The following GRID2 variants were observed in gnomAD, a reference collection of about 807,000 sequenced individuals.
The protein encoded by GRID2 is glutamate ionotropic receptor delta type subunit 2, also known as glutamate receptor ionotropic, delta-2.
A neutral mutation model predicts 114.8 loss-of-function variants in GRID2; 33 were observed. The observed-to-expected ratio is 0.29, with a 90% CI of 0.22 to 0.38. The LOEUF (loss-of-function observed/expected upper bound fraction) is 0.38, where lower values mean the gene tolerates loss of function less well. Among genes scored for constraint, GRID2 ranks in the 10% least tolerant of loss-of-function variants. The pLI, the probability that GRID2 is intolerant of heterozygous loss-of-function variation, is 1.00. For missense variants in GRID2, 1,184 were observed against 1,257.7 expected (o/e 0.94, Z 0.89); for synonymous variants, 505 against 449.9 (o/e 1.12, Z -1.55).
chr4:93,056,682 C>G (rs145787677), intron 2 of GRID2, among the ~76,000 whole-genome samples: 1 of 151,724 alleles, frequency 6.6e-6, no homozygotes, highest in Non-Finnish European at 1.5e-5. Flanking sequence ...CAGTTATATT[C>G]GTGCATGATA....
At chr4:92,455,965 TC>T (rs1321590933) in intron 1 of GRID2, among the ~76,000 whole-genome samples, 1 of 152,188 alleles carries the variant, frequency 6.6e-6, no homozygotes, top group African/African-American at 2.4e-5. Context: ...AAAGATTGTA[TC>T]TTTTATGTAG....
chr4:93,131,545 G>T (rs1040365452), intron 4 of GRID2, among the ~76,000 whole-genome samples: 1 of 151,440 alleles, frequency 6.6e-6, no homozygotes, highest in Non-Finnish European at 1.5e-5. Context: ...TTATTTATTT[G>T]TAATATTGTT....
At chr4:92,774,577 CTTTTT>C (rs1166044188) in intron 2 of GRID2, among the ~76,000 whole-genome samples, 5 of 106,380 alleles carry the variant, frequency 4.7e-5, no homozygotes, top group East Asian at 2.7e-4. Context: ...TTTTTCTTTC[CTTTTT>C]TTTTTTTTTT....
intron 1 of GRID2, among the ~76,000 whole-genome samples, chr4:92,352,728 C>G (rs2110186443): frequency 6.6e-6 from 1 of 152,038 alleles, no homozygotes; most frequent in Admixed American, 6.6e-5. Context: ...AAATGCCTAT[C>G]TAAGTCTTTT....
chr4:93,616,452 C>G, intron 13 of GRID2, among the ~76,000 whole-genome samples: 1 of 150,854 alleles, frequency 6.6e-6, no homozygotes, highest in East Asian at 2.0e-4. Context: ...GAGGTTGAGG[C>G]AGGAAAATGG....
intron 1 of GRID2, among the ~76,000 whole-genome samples, chr4:92,510,277 T>C (rs2149130964): frequency 6.6e-6 from 1 of 151,992 alleles, no homozygotes; most frequent in South Asian, 2.1e-4. Context: ...GTACAATGGA[T>C]TTGTCATTTA....
intron 2 of GRID2, among the ~76,000 whole-genome samples, chr4:92,972,629 C>G (rs1753597670): frequency 6.6e-6 from 1 of 151,078 alleles, no homozygotes; most frequent in African/African-American, 2.4e-5. Flanking sequence ...ATTTTAAGTT[C>G]AGGGGTGCAA....
intron 2 of GRID2, among the ~76,000 whole-genome samples, chr4:92,840,622 T>C (rs1742820149): frequency 6.6e-6 from 1 of 152,070 alleles, no homozygotes; most frequent in African/African-American, 2.4e-5. Context: ...AAATGTATAA[T>C]CTTGTTTCTT....
intron 2 of GRID2, among the ~76,000 whole-genome samples, chr4:92,881,429 A>G (rs115687498): frequency 0.011 from 1,664 of 152,286 alleles, 22 homozygotes; most frequent in African/African-American, 0.038. Context: ...TTCACTGAAT[A>G]CTAGAGGGTT....
intron 1 of GRID2, among the ~76,000 whole-genome samples, chr4:92,439,028 C>A (rs763770784): frequency 3.9e-5 from 6 of 151,956 alleles, no homozygotes; most frequent in Non-Finnish European, 7.4e-5. Context: ...CACCTGGGGG[C>A]AGGTGGGCTG....
chr4:93,578,620 G>A (rs1245830135), intron 13 of GRID2, among the ~76,000 whole-genome samples: 1 of 113,386 alleles, frequency 8.8e-6, no homozygotes, highest in Non-Finnish European at 1.7e-5. Flanking sequence ...TTGAGTTGGA[G>A]TCTCACTCTG....
At chr4:92,369,226 T>A (rs1729007469) in intron 1 of GRID2, among the ~76,000 whole-genome samples, 1 of 152,110 alleles carries the variant, frequency 6.6e-6, no homozygotes, top group African/African-American at 2.4e-5. Flanking sequence ...TAATAGACTT[T>A]CTATCATTTT....
intron 1 of GRID2, among the ~76,000 whole-genome samples, chr4:92,418,291 C>T (rs758205316): frequency 6.6e-6 from 1 of 152,000 alleles, no homozygotes; most frequent in Non-Finnish European, 1.5e-5. Flanking sequence ...GCCAAAATGG[C>T]TCATGGAAAG....
intron 2 of GRID2, among the ~76,000 whole-genome samples, chr4:92,678,181 G>A (rs77699149): frequency 0.089 from 13,571 of 151,694 alleles, 761 homozygotes; most frequent in Middle Eastern, 0.16. Flanking sequence ...TTTTTATTGC[G>A]ATTTCCTCCC....
chr4:93,043,231 A>C (rs1435390469), intron 2 of GRID2, among the ~76,000 whole-genome samples: 1 of 152,176 alleles, frequency 6.6e-6, no homozygotes, highest in Non-Finnish European at 1.5e-5. Context: ...TCAGAAATCA[A>C]ACTGCAGTTT....
At chr4:93,202,531 T>A (rs998787284) in intron 4 of GRID2, among the ~76,000 whole-genome samples, 3 of 152,144 alleles carry the variant, frequency 2.0e-5, no homozygotes, top group Admixed American at 6.5e-5. Flanking sequence ...GCAGTAAATA[T>A]AAAGGCTTTA....
intron 2 of GRID2, among the ~76,000 whole-genome samples, chr4:92,694,202 C>T (rs1192591467): frequency 1.3e-5 from 2 of 152,130 alleles, no homozygotes; most frequent in Non-Finnish European, 2.9e-5. Flanking sequence ...GCAGGAAGCA[C>T]CTGGTTGGAA....
intron 2 of GRID2, among the ~76,000 whole-genome samples, chr4:92,981,569 G>A (rs1470803183): frequency 2.0e-5 from 3 of 151,820 alleles, no homozygotes; most frequent in African/African-American, 7.3e-5. Context: ...TCTTTATATT[G>A]TATCTTTATG....
intron 14 of GRID2, 77 bp from the exon 15 acceptor site, chr4:93,769,133 G>T (rs1733913814): frequency 2.8e-6 from 4 of 1,413,322 alleles, no homozygotes; most frequent in South Asian, 2.4e-5. Flanking sequence ...ACAGAGGTGG[G>T]ATTATAAATG....
Sources: gnomAD v4.1 joint callset for allele counts (sites outside exome capture counted in the v4.1 genomes callset) on GRCh38, gnomAD v4.1.1 for gene constraint, MANE v1.5 for transcripts, NCBI Gene and HGNC (gene_info 2026-07-23, HGNC 2026-07-21) for gene names.